Variants in CNTNAP2 observed in about 807,000 individuals in gnomAD.
CNTNAP2 encodes contactin associated protein 2, also known as contactin-associated protein-like 2.
Under a neutral mutation model 155.2 loss-of-function variants are expected in CNTNAP2, and 98 were observed. The ratio of observed to expected loss-of-function variants is 0.63; its 90% confidence interval spans 0.54 to 0.75. The LOEUF (loss-of-function observed/expected upper bound fraction) is 0.75, where lower values mean the gene tolerates loss of function less well. Among genes scored for constraint, CNTNAP2 ranks in the 30% least tolerant of loss-of-function variants. The pLI, the probability that CNTNAP2 is intolerant of heterozygous loss-of-function variation, is 0.00. For missense variants in CNTNAP2, 1,727 were observed against 1,688.1 expected, an observed-to-expected ratio of 1.02 and a Z score of -0.40; for synonymous variants, 651 against 631.2, an observed-to-expected ratio of 1.03 and a Z score of -0.47.
chr7:147,516,565 T>TA (rs1436894999), intron 11 of CNTNAP2, among the ~76,000 whole-genome samples: 1 of 152,200 alleles, frequency 6.6e-6, no homozygotes, highest in African/African-American at 2.4e-5. Context: ...GTATGTGCAA[T>TA]AGTTTTTCCC....
At chr7:146,957,578 G>A (rs1321067474) in intron 3 of CNTNAP2, among the ~76,000 whole-genome samples, 7 of 152,146 alleles carry the variant, frequency 4.6e-5, no homozygotes, top group Non-Finnish European at 8.8e-5. Flanking sequence ...TAGATGAAAA[G>A]GTAAAGTTCA....
intron 1 of CNTNAP2, among the ~76,000 whole-genome samples, chr7:146,428,104 G>A (rs149870792): frequency 6.6e-6 from 1 of 152,218 alleles, no homozygotes; most frequent in African/African-American, 2.4e-5. Context: ...AGTATTCCAT[G>A]GCATATATAC....
At chr7:146,892,693 T>C (rs539561268) in intron 3 of CNTNAP2, among the ~76,000 whole-genome samples, 93 of 152,222 alleles carry the variant, frequency 6.1e-4, no homozygotes, top group African/African-American at 2.1e-3. Context: ...TGAGAATCAC[T>C]TGAACCTGGG....
chr7:148,388,114 C>G (rs1799257721), intron 22 of CNTNAP2, among the ~76,000 whole-genome samples: 1 of 152,176 alleles, frequency 6.6e-6, no homozygotes, highest in Non-Finnish European at 1.5e-5. Context: ...TGGGGCTGCT[C>G]TGTCTGTGGT....
chr7:148,101,295 TAAA>T (rs1038864348), intron 15 of CNTNAP2, among the ~76,000 whole-genome samples: 8 of 143,710 alleles, frequency 5.6e-5, no homozygotes, highest in African/African-American at 2.3e-4. Context: ...ATAATAAAAT[TAAA>T]AAACAAACAA....
At chr7:147,339,149 TAAA>T in intron 9 of CNTNAP2, among the ~76,000 whole-genome samples, 1 of 152,184 alleles carries the variant, frequency 6.6e-6, no homozygotes, top group South Asian at 2.1e-4. Context: ...TTGTTATTTA[TAAA>T]CAATAACTAT....
chr7:147,850,294 A>T (rs554309677), intron 13 of CNTNAP2, among the ~76,000 whole-genome samples: 1 of 152,378 alleles, frequency 6.6e-6, no homozygotes, highest in African/African-American at 2.4e-5. Context: ...AGAACATTCC[A>T]TGCTCATGGA....
intron 3 of CNTNAP2, among the ~76,000 whole-genome samples, chr7:147,000,591 G>A (rs550692277): frequency 2.6e-4 from 39 of 152,222 alleles, no homozygotes; most frequent in Middle Eastern, 3.4e-3. Context: ...CCTTAAGCCC[G>A]TGACCACTGC....
chr7:146,312,465 T>G (rs1411853779), intron 1 of CNTNAP2, among the ~76,000 whole-genome samples: 1 of 152,234 alleles, frequency 6.6e-6, no homozygotes, highest in Non-Finnish European at 1.5e-5. Context: ...TGTATATCTG[T>G]AATTACATAT....
rs771755776 is a variant in CNTNAP2, at chr7:147,598,894, G to A, written c.1897+36637G>A. On this transcript the variant is annotated intron_variant, in intron 12 of 23. Coordinates refer to ENST00000361727, the MANE Select transcript of CNTNAP2 (RefSeq NM_014141.6). ...TGGCACTGCTCCCTCCTGCCACCATGTGGAGAAGGACATGTTTGCTTCCCC... is the reference window on the plus strand; with the variant it reads ...TGGCACTGCTCCCTCCTGCCACCATATGGAGAAGGACATGTTTGCTTCCCC... Among the ~76,000 whole-genome samples the A allele has an allele frequency of 3.3e-5, 5 of 152,108 alleles. 1 individual carries two copies. Among genetic ancestry groups the A allele is most frequent in the African/African-American group, 7.2e-5 (3 of 41,418 alleles).
intron 3 of CNTNAP2, among the ~76,000 whole-genome samples, chr7:146,847,175 T>C (rs1803858235): frequency 6.6e-6 from 1 of 152,180 alleles, no homozygotes; most frequent in Non-Finnish European, 1.5e-5. Context: ...TTGAATAAGA[T>C]ATCAGTTCCT....
At chr7:147,387,244 C>A (rs1796639842) in intron 9 of CNTNAP2, among the ~76,000 whole-genome samples, 1 of 152,080 alleles carries the variant, frequency 6.6e-6, no homozygotes, top group African/African-American at 2.4e-5. Context: ...CATGTCACAC[C>A]CTGTTTTTCT....
At chr7:147,319,352 A>G (rs1795300898) in intron 9 of CNTNAP2, among the ~76,000 whole-genome samples, 1 of 151,998 alleles carries the variant, frequency 6.6e-6, no homozygotes, top group South Asian at 2.1e-4. Flanking sequence ...TGTTTCTTTT[A>G]TTTTTCCTTT....
Position 147,527,076 on chromosome 7 carries a change from G to T in CNTNAP2, c.1778-35062G>T, listed in dbSNP as rs554169237. On this transcript the variant is annotated intron_variant, in intron 11 of 23. Coordinates refer to ENST00000361727, the MANE Select transcript of CNTNAP2 (RefSeq NM_014141.6). ...CTTTCTCTGTCACCTGGGCTGGAGT[G>T]CAGTGGTGTGATCTCGGCTCACTGC... 2.3e-5 allele frequency among the ~76,000 whole-genome samples: 3 copies of T among 131,008 alleles called. No individual in the cohort carries two copies. In the East Asian group the frequency reaches 6.6e-4, roughly 29 times the overall value. 85.9% of individuals were successfully genotyped at this position (131,008 alleles called of 152,430 possible).
At chr7:148,098,611 G>A (rs1451043374) in intron 15 of CNTNAP2, among the ~76,000 whole-genome samples, 1 of 152,090 alleles carries the variant, frequency 6.6e-6, no homozygotes, top group Non-Finnish European at 1.5e-5. Context: ...GGCTGAGCAA[G>A]GAGGATCACT....
intron 1 of CNTNAP2, among the ~76,000 whole-genome samples, chr7:146,692,073 G>C (rs921530085): frequency 5.9e-5 from 9 of 152,106 alleles, no homozygotes; most frequent in African/African-American, 2.2e-4. Context: ...AGCAAAAAAG[G>C]AATGTGTCTT....
At chr7:147,542,190 G>A (rs961055808) in intron 11 of CNTNAP2, among the ~76,000 whole-genome samples, 2 of 151,950 alleles carry the variant, frequency 1.3e-5, no homozygotes, top group Non-Finnish European at 2.9e-5. Flanking sequence ...CACTTATCAT[G>A]TAAGTGCCTC....
At chr7:148,011,166 A>G (rs1015586350) in intron 15 of CNTNAP2, among the ~76,000 whole-genome samples, 4 of 152,112 alleles carry the variant, frequency 2.6e-5, no homozygotes, top group Non-Finnish European at 5.9e-5. Context: ...ATATAATCAT[A>G]TAGTGTGAAT....
chr7:146,612,099 C>T (rs778280232), intron 1 of CNTNAP2, among the ~76,000 whole-genome samples: 4 of 152,034 alleles, frequency 2.6e-5, no homozygotes, highest in Non-Finnish European at 5.9e-5. Flanking sequence ...AACAATAGGA[C>T]TCATGTAATA....
Sources: gnomAD v4.1 joint callset for allele counts (sites outside exome capture counted in the v4.1 genomes callset) on GRCh38, gnomAD v4.1.1 for gene constraint, MANE v1.5 for transcripts, NCBI Gene and HGNC (gene_info 2026-07-23, HGNC 2026-07-21) for gene names.